The following RPS6KC1 variants were observed in gnomAD, a reference collection of about 807,000 sequenced individuals.
RPS6KC1 encodes the protein inactive ribosomal protein S6 kinase delta-1.
RPS6KC1 carries 54 observed loss-of-function variants against 103.8 expected under a neutral mutation model. The observed-to-expected ratio is 0.52, with a 90% CI of 0.42 to 0.65. The LOEUF (loss-of-function observed/expected upper bound fraction) is 0.65. RPS6KC1 is among the 30% of genes least tolerant of loss of function. The pLI is 0.00. For synonymous variants in RPS6KC1, 439 were observed against 438.7 expected (o/e 1.00, Z -0.01); for missense variants, 1,151 against 1,253.8 (o/e 0.92, Z 1.24).
chr1:213,130,486 T>A (rs1036592976), intron 6 of RPS6KC1, among the ~76,000 whole-genome samples: 6 of 152,138 alleles, frequency 3.9e-5, no homozygotes, highest in Non-Finnish European at 8.8e-5. Flanking sequence ...GCATTCTGCA[T>A]TTAGTTGCAT....
At position 213,064,333 on chromosome 1, in the gene RPS6KC1, A is replaced by G. The variant is rs534473799; in HGVS notation, c.106-6673A>G. 1.0e-3 allele frequency among the ~76,000 whole-genome samples: 149 copies of G among 149,556 alleles called. 1 individual carries two copies. The highest frequency in any genetic ancestry group is 3.6e-3 in the African/African-American group (146 of 40,640). On this transcript the variant is annotated intron_variant, in intron 1 of 14. Coordinates refer to ENST00000366960, the MANE Select transcript of RPS6KC1 (RefSeq NM_012424.6). ...TGGCCTCCCAAAGTGTTGGGATTAT[A>G]GGCGTGAGCCACTGGGCCCGGCCAA...
the RPS6KC1 span, among the ~76,000 whole-genome samples, chr1:213,620,066 C>T: frequency 6.6e-6 from 1 of 152,168 alleles, no homozygotes. Flanking sequence ...ACATTGACTG[C>T]CTACTGTGTT....
chr1:213,490,553 C>T, the RPS6KC1 span, among the ~76,000 whole-genome samples: 2 of 152,132 alleles, frequency 1.3e-5, no homozygotes, highest in Non-Finnish European at 2.9e-5. Flanking sequence ...GTTCGGCTTC[C>T]AGTGCAGCAG....
chr1:213,547,642 T>C, the RPS6KC1 span, among the ~76,000 whole-genome samples: 1 of 152,202 alleles, frequency 6.6e-6, no homozygotes, highest in Non-Finnish European at 1.5e-5. Context: ...TTATGAATGG[T>C]TGTCCTCTTG....
At chr1:213,528,859 G>A in the RPS6KC1 span, among the ~76,000 whole-genome samples, 1 of 152,178 alleles carries the variant, frequency 6.6e-6, no homozygotes, top group South Asian at 2.1e-4. Flanking sequence ...AAGGAAAAAT[G>A]TTTGGGTGCT....
chr1:213,665,174 T>G, the RPS6KC1 span, among the ~76,000 whole-genome samples: 1 of 151,218 alleles, frequency 6.6e-6, no homozygotes, highest in Admixed American at 6.6e-5. Flanking sequence ...AACATCTTAA[T>G]AAATAAAACT....
At chr1:213,539,898 G>T in the RPS6KC1 span, among the ~76,000 whole-genome samples, 2 of 152,198 alleles carry the variant, frequency 1.3e-5, no homozygotes, top group East Asian at 3.9e-4. Context: ...AGTTATATTT[G>T]CACTATGCAA....
chr1:213,675,296 C>T, the RPS6KC1 span, among the ~76,000 whole-genome samples: 1 of 152,176 alleles, frequency 6.6e-6, no homozygotes, highest in South Asian at 2.1e-4. Flanking sequence ...ATTCTGTCTC[C>T]TAGCTAGTAG....
At chr1:213,319,162 C>T in the RPS6KC1 span, among the ~76,000 whole-genome samples, 14 of 151,944 alleles carry the variant, frequency 9.2e-5, no homozygotes, top group Middle Eastern at 6.8e-3. Flanking sequence ...AAAAATTAGC[C>T]GGGCTTGGTG....
intron 8 of RPS6KC1, among the ~76,000 whole-genome samples, chr1:213,220,714 A>G (rs561476556): frequency 6.6e-6 from 1 of 152,210 alleles, no homozygotes; most frequent in African/African-American, 2.4e-5. Context: ...TTCTAACTAC[A>G]TTTAAAATAC....
chr1:213,089,461 G>C (rs1169237118), intron 3 of RPS6KC1, among the ~76,000 whole-genome samples: 1 of 148,098 alleles, frequency 6.8e-6, no homozygotes, highest in Non-Finnish European at 1.5e-5. Flanking sequence ...CCATTTTGCT[G>C]TTTGTTTTTT....
intron 1 of RPS6KC1, among the ~76,000 whole-genome samples, chr1:213,069,743 C>T (rs928676818): frequency 2.0e-4 from 31 of 152,262 alleles, no homozygotes; most frequent in South Asian, 1.5e-3. Context: ...AGAATGGCTA[C>T]TCCATAGGCA....
the RPS6KC1 span, among the ~76,000 whole-genome samples, chr1:213,681,199 A>G: frequency 1.3e-5 from 2 of 152,122 alleles, no homozygotes; most frequent in Non-Finnish European, 2.9e-5. Flanking sequence ...TCTGTTCCCC[A>G]GACACCGCCA....
At chr1:213,818,950 C>T in the RPS6KC1 span, 5 of 151,262 alleles carry the variant, frequency 3.3e-5, no homozygotes, top group East Asian at 9.6e-4. Flanking sequence ...CGTATCCATA[C>T]ATGGTGGCTG....
At chr1:213,775,228 C>T in the RPS6KC1 span, among the ~76,000 whole-genome samples, 1 of 152,090 alleles carries the variant, frequency 6.6e-6, no homozygotes, top group Non-Finnish European at 1.5e-5. Context: ...ACTATTTATA[C>T]ATATAAATGT....
At chr1:213,290,979 TC>T in the RPS6KC1 span, among the ~76,000 whole-genome samples, 1 of 152,142 alleles carries the variant, frequency 6.6e-6, no homozygotes, top group Non-Finnish European at 1.5e-5. Flanking sequence ...CCACCAGGAC[TC>T]CCGGCCACGC....
chr1:213,237,360 A>G (rs1277153822), intron 10 of RPS6KC1, among the ~76,000 whole-genome samples: 2 of 152,058 alleles, frequency 1.3e-5, no homozygotes, highest in African/African-American at 4.8e-5. Context: ...CCTACCTTAT[A>G]GGGTTGATGT....
At chr1:213,788,893 T>TCACA in the RPS6KC1 span, among the ~76,000 whole-genome samples, 390 of 151,816 alleles carry the variant, frequency 2.6e-3, 1 homozygote, top group Admixed American at 7.1e-3. Context: ...TTCCTCAGTT[T>TCACA]CACACACACA....
the RPS6KC1 span, among the ~76,000 whole-genome samples, chr1:213,292,297 A>C: frequency 3.9e-5 from 6 of 152,256 alleles, no homozygotes; most frequent in East Asian, 1.2e-3. Flanking sequence ...AACAAAAAAA[A>C]CATGTTGACA....
Sources: gnomAD v4.1 joint callset for allele counts (sites outside exome capture counted in the v4.1 genomes callset) on GRCh38, gnomAD v4.1.1 for gene constraint, MANE v1.5 for transcripts, NCBI Gene and HGNC (gene_info 2026-07-23, HGNC 2026-07-21) for gene names.